Variants in PPP1R1C observed in about 807,000 individuals in gnomAD.
The protein encoded by PPP1R1C is protein phosphatase 1 regulatory inhibitor subunit 1C.
Under a neutral mutation model 17.4 loss-of-function variants are expected in PPP1R1C, and 15 were observed. The ratio of observed to expected loss-of-function variants is 0.86; its 90% CI spans 0.58 to 1.33. The LOEUF (loss-of-function observed/expected upper bound fraction) is 1.33. Among genes scored for constraint, PPP1R1C ranks in the 40% most tolerant of loss-of-function variants. The pLI is 0.00. For missense variants in PPP1R1C, 143 were observed against 130.0 expected (o/e 1.10, Z -0.48); for synonymous variants, 35 against 43.1 (o/e 0.81, Z 0.73).
At chr2:182,059,744 C>G (rs1687795951) in intron 2 of PPP1R1C, among the ~76,000 whole-genome samples, 1 of 150,616 alleles carries the variant, frequency 6.6e-6, no homozygotes, top group Admixed American at 6.6e-5. Context: ...AACAACAAAA[C>G]AAACCTTTTT....
intron 4 of PPP1R1C, among the ~76,000 whole-genome samples, chr2:182,087,344 G>A (rs1366634797): frequency 1.3e-5 from 2 of 152,166 alleles, no homozygotes; most frequent in African/African-American, 2.4e-5. Context: ...GAAGCACCTG[G>A]CTTCTTTGTT....
intron 2 of PPP1R1C, among the ~76,000 whole-genome samples, chr2:182,018,701 A>G (rs1217033054): frequency 1.3e-5 from 2 of 152,238 alleles, no homozygotes; most frequent in African/African-American, 4.8e-5. Flanking sequence ...GCAGCATGCA[A>G]TTTGAAACAT....
intron 4 of PPP1R1C, among the ~76,000 whole-genome samples, chr2:182,080,058 C>A (rs1688429213): frequency 6.6e-6 from 1 of 152,228 alleles, no homozygotes; most frequent in African/African-American, 2.4e-5. Context: ...CACTATTCAA[C>A]CCAATACATA....
Position 181,962,926 on chromosome 2 carries a change from C to T in PPP1R1C, n.111+8292C>T. Among the ~76,000 whole-genome samples the T allele has an allele frequency of 6.6e-6, 1 of 152,088 alleles. No homozygotes were observed. Among genetic ancestry groups the T allele is most frequent in the Non-Finnish European group, 1.5e-5 (1 of 68,016 alleles). On this transcript the variant is annotated intron_variant and non_coding_transcript_variant, in intron 1 of 5. Coordinates refer to the PPP1R1C transcript ENST00000464264. The surrounding 1 kb of genome is among the most constrained non-coding windows in gnomAD (Gnocchi z 6.0). Reference sequence around the variant, plus strand: ...GGGATCTCTGAAGTAGGAGTTCAGACACAGGATACTCCCAGGGTGGGTAGT... The same window carrying T: ...GGGATCTCTGAAGTAGGAGTTCAGATACAGGATACTCCCAGGGTGGGTAGT...
At chr2:181,985,396 A>T (rs1685271934), upstream of PPP1R1C, among the ~76,000 whole-genome samples, 1 of 152,180 alleles carries the variant, frequency 6.6e-6, no homozygotes, top group Admixed American at 6.5e-5. This position sits in a 1 kb window ranked among gnomAD's most constrained non-coding sequence, Gnocchi z 4.1. Context: ...TCGAACTAAG[A>T]TCTGCTCAGC....
At chr2:181,959,761 A>C (rs1684733269) in intron 1 of PPP1R1C, among the ~76,000 whole-genome samples, 1 of 152,164 alleles carries the variant, frequency 6.6e-6, no homozygotes, top group Non-Finnish European at 1.5e-5. Flanking sequence ...CCATGCATGG[A>C]CTGTAATTGG....
intron 4 of PPP1R1C, among the ~76,000 whole-genome samples, chr2:182,082,621 A>T (rs1390824375): frequency 6.6e-6 from 1 of 152,130 alleles, no homozygotes; most frequent in East Asian, 1.9e-4. Context: ...AAGAACATAG[A>T]CTCAATAAGT....
At chr2:182,084,123 T>A (rs991733988) in intron 4 of PPP1R1C, among the ~76,000 whole-genome samples, 43 of 152,244 alleles carry the variant, frequency 2.8e-4, no homozygotes, top group African/African-American at 1.0e-3. Context: ...TTTGTGTTTT[T>A]TTTTATTTTA....
chr2:182,098,341 A>G (rs759499213), intron 4 of PPP1R1C, among the ~76,000 whole-genome samples: 17 of 152,232 alleles, frequency 1.1e-4, no homozygotes, highest in African/African-American at 3.9e-4. Context: ...AATAGAAACA[A>G]AAAATGCTCA....
At chr2:182,033,421 T>C (rs1381234833) in intron 2 of PPP1R1C, among the ~76,000 whole-genome samples, 1 of 152,242 alleles carries the variant, frequency 6.6e-6, no homozygotes, top group African/African-American at 2.4e-5. Context: ...TGTTTAACTC[T>C]GGTTGTCCCA....
intron 4 of PPP1R1C, among the ~76,000 whole-genome samples, chr2:182,074,072 C>T (rs985016579): frequency 1.4e-5 from 2 of 143,490 alleles, no homozygotes; most frequent in Admixed American, 7.1e-5. Context: ...GACGGAGTCT[C>T]ACTCTGTCGC....
intron 2 of PPP1R1C, among the ~76,000 whole-genome samples, chr2:181,991,043 A>T (rs946651650): frequency 8.5e-5 from 13 of 152,210 alleles, no homozygotes; most frequent in African/African-American, 2.9e-4. Flanking sequence ...AACATAAGTA[A>T]TAAAACATTC....
At chr2:181,982,661 A>G (rs1362198885), upstream of PPP1R1C, among the ~76,000 whole-genome samples, 2 of 152,146 alleles carry the variant, frequency 1.3e-5, no homozygotes, top group Non-Finnish European at 2.9e-5. Context: ...TTGGGTTAAA[A>G]AAGGGAGCGG....
intron 2 of PPP1R1C, among the ~76,000 whole-genome samples, chr2:182,035,233 G>A (rs1214859137): frequency 6.6e-6 from 1 of 152,174 alleles, no homozygotes; most frequent in Non-Finnish European, 1.5e-5. Flanking sequence ...TTTATAGCAT[G>A]AATGAATGGC....
At chr2:182,067,361 C>T (rs1688015126) in intron 4 of PPP1R1C, among the ~76,000 whole-genome samples, 1 of 150,906 alleles carries the variant, frequency 6.6e-6, no homozygotes, top group Non-Finnish European at 1.5e-5. Context: ...TCAACCCCTT[C>T]TCATAATAAA....
intron 4 of PPP1R1C, among the ~76,000 whole-genome samples, chr2:182,088,908 A>G (rs907251394): frequency 1.3e-5 from 2 of 152,216 alleles, no homozygotes; most frequent in African/African-American, 2.4e-5. Context: ...AACATTCCTT[A>G]TTCAAATTCA....
At chr2:182,059,891 T>C (rs1327688977) in intron 2 of PPP1R1C, among the ~76,000 whole-genome samples, 1 of 152,102 alleles carries the variant, frequency 6.6e-6, no homozygotes, top group Admixed American at 6.6e-5. Context: ...CATAAAGTTA[T>C]AGGTCCTGGG....
chr2:182,060,532 T>C (rs1687819939), intron 2 of PPP1R1C, among the ~76,000 whole-genome samples: 1 of 152,142 alleles, frequency 6.6e-6, no homozygotes, highest in Middle Eastern at 3.2e-3. Flanking sequence ...CTTCTATGCA[T>C]ATATATATCA....
At chr2:182,067,006 TGCAAATGCCTTCTACTGAAGAAA>T (rs1688004922) in intron 4 of PPP1R1C, among the ~76,000 whole-genome samples, 1 of 151,514 alleles carries the variant, frequency 6.6e-6, no homozygotes, top group African/African-American at 2.4e-5. Context: ...TTTACTGGAA[TGCAAATGCCTTCTACTGAAGAAA>T]GCAAAGTAAG....
Sources: gnomAD v4.1 joint callset for allele counts (sites outside exome capture counted in the v4.1 genomes callset) on GRCh38, gnomAD v4.1.1 for gene constraint, Gnocchi (gnomAD v3.1) non-coding constraint, MANE v1.5 for transcripts, NCBI Gene and HGNC (gene_info 2026-07-23, HGNC 2026-07-21) for gene names.